The following SEMA3A variants were observed in gnomAD, a reference collection of about 807,000 sequenced individuals.
The protein encoded by SEMA3A is semaphorin-3A.
In SEMA3A, 29 loss-of-function variants were observed where a neutral mutation model predicts 97.9. The observed-to-expected ratio is 0.30, with a 90% confidence interval of 0.22 to 0.40. SEMA3A has a LOEUF of 0.40. Among genes scored for constraint, SEMA3A ranks in the 10% least tolerant of loss-of-function variants. The pLI is 1.00. For synonymous variants in SEMA3A, 321 were observed against 323.7 expected (o/e 0.99, Z 0.09); for missense variants, 763 against 951.3 (o/e 0.80, Z 2.60).
intron 3 of SEMA3A, among the ~76,000 whole-genome samples, chr7:84,126,245 A>G (rs1468346): frequency 0.8 from 122,090 of 151,944 alleles, 49,109 homozygotes; most frequent in East Asian, 0.93. Context: ...TCACTCTGTC[A>G]CCCAGGCTGG....
chr7:84,188,942 G>T (rs1055661592), intron 1 of SEMA3A, among the ~76,000 whole-genome samples: 5 of 151,698 alleles, frequency 3.3e-5, no homozygotes, highest in African/African-American at 1.2e-4. Flanking sequence ...TCCAAACTTG[G>T]TCTGCACACC....
chr7:84,120,913 T>C (rs1357524290), intron 3 of SEMA3A, among the ~76,000 whole-genome samples: 1 of 152,166 alleles, frequency 6.6e-6, no homozygotes, highest in African/African-American at 2.4e-5. Context: ...GAATTTCTTG[T>C]GCTATTTCCA....
chr7:84,347,382 T>C (rs1363910708), intron 2 of SEMA3A, among the ~76,000 whole-genome samples: 1 of 150,676 alleles, frequency 6.6e-6, no homozygotes, highest in Non-Finnish European at 1.5e-5. Context: ...AAGAACAGCT[T>C]ACATGCAACA....
In SEMA3A at chr7:83,979,133, CT is replaced by C. The variant is rs761341563; in HGVS notation, c.1653-1938del. Among the ~76,000 whole-genome samples, 1,136 of 134,352 alleles carry C rather than the reference CT, an allele frequency of 8.5e-3. 3 individuals are homozygous for C. The highest frequency in any genetic ancestry group is 0.018 in the South Asian group (74 of 4,106). The allele number at this position is 134,352 out of a possible 152,430, so 88.1% of individuals were successfully genotyped here. A position where few individuals can be genotyped will look rare whatever the true frequency, so the allele number is the denominator to read the frequency against. ...CATTTTAGTTCAAACACGAATTCCA[CT>C]TTTTTTTTTTTTTTTTCGAGACAGA... On this transcript the variant is annotated intron_variant, in intron 14 of 16. Coordinates refer to ENST00000265362, the MANE Select transcript of SEMA3A (RefSeq NM_006080.3).
At chr7:84,414,151 T>C (rs956780489) in intron 1 of SEMA3A, among the ~76,000 whole-genome samples, 2 of 152,172 alleles carry the variant, frequency 1.3e-5, no homozygotes, top group Non-Finnish European at 2.9e-5. Flanking sequence ...ATTTGTTTTC[T>C]TGTTTTATAT....
At chr7:84,447,807 G>A (rs1055820554) in intron 1 of SEMA3A, among the ~76,000 whole-genome samples, 3 of 152,350 alleles carry the variant, frequency 2.0e-5, no homozygotes, top group Admixed American at 6.5e-5. Context: ...GCTATGAGGA[G>A]AGAAGTGCTG....
intron 1 of SEMA3A, among the ~76,000 whole-genome samples, chr7:84,454,339 G>A (rs537399029): frequency 2.0e-5 from 3 of 152,186 alleles, no homozygotes; most frequent in East Asian, 3.9e-4. Context: ...ACACAGATAA[G>A]TCATTTCTTG....
intron 10 of SEMA3A, 148 bp downstream of exon 10, chr7:84,007,205 G>A (rs1790701520): frequency 1.8e-6 from 1 of 551,410 alleles, no homozygotes; most frequent in Non-Finnish European, 2.8e-6. Context: ...ATTCAATCAT[G>A]GAAAATCTTT....
At chr7:83,970,153 G>A (rs1788859545) in intron 15 of SEMA3A, among the ~76,000 whole-genome samples, 1 of 152,152 alleles carries the variant, frequency 6.6e-6, no homozygotes, top group South Asian at 2.1e-4. Flanking sequence ...AGTGTGTTTG[G>A]ATAACACAAT....
intron 4 of SEMA3A, among the ~76,000 whole-genome samples, chr7:84,066,786 C>T (rs574079519): frequency 6.6e-6 from 1 of 151,664 alleles, no homozygotes; most frequent in East Asian, 1.9e-4. Flanking sequence ...ACAAACAAAT[C>T]GAAGAACATT....
At chr7:84,344,699 A>G (rs903947705) in intron 2 of SEMA3A, among the ~76,000 whole-genome samples, 1 of 152,180 alleles carries the variant, frequency 6.6e-6, no homozygotes, top group East Asian at 1.9e-4. Context: ...GTGAGAGTAG[A>G]CTACAAAACG....
Position 84,316,130 on chromosome 7 carries a change from CAAAAAAAAAAAA to C in SEMA3A, c.-168-8850_-168-8839del, listed in dbSNP as rs202005657. 1.7e-4 allele frequency among the ~76,000 whole-genome samples: 5 copies of C among 30,226 alleles called. No homozygotes were observed. In the South Asian group the frequency reaches 6.0e-3, roughly 36 times the overall value. 19.8% of individuals were successfully genotyped at this position (30,226 alleles called of 152,430 possible). On this transcript the variant is annotated intron_variant, in intron 2 of 3. Transcript: ENST00000424555. ...TGCACAATATAGGAAGACTCTATCTCAAAAAAAAAAAAAAAAAAAAAAAAAAAAAAGTGCTCC... is the reference window on the plus strand; with the variant it reads ...TGCACAATATAGGAAGACTCTATCTCAAAAAAAAAAAAAAAAAAGTGCTCC...
chr7:84,303,986 G>C (rs975651640), intron 3 of SEMA3A, among the ~76,000 whole-genome samples: 1 of 151,958 alleles, frequency 6.6e-6, no homozygotes, highest in East Asian at 1.9e-4. Flanking sequence ...GCTCTTAATG[G>C]CTTTGTTTTA....
chr7:84,119,746 A>G (rs908924817), intron 3 of SEMA3A, among the ~76,000 whole-genome samples: 5 of 152,202 alleles, frequency 3.3e-5, no homozygotes, highest in Non-Finnish European at 7.4e-5. Flanking sequence ...AAACACAAGT[A>G]TTACAAACTA....
rs564468169 is a variant in SEMA3A at position 84,358,687 on chromosome 7, G to C, written c.-169+13137C>G. Among the ~76,000 whole-genome samples, 4 of 152,170 alleles carry C rather than the reference G, an allele frequency of 2.6e-5. No individual in the cohort carries two copies. In the South Asian group the frequency reaches 8.3e-4, roughly 32 times the overall value. On this transcript the variant is annotated intron_variant, in intron 2 of 3. Transcript: ENST00000424555. ...AATTCTCTGAAGGAAGTCATTTGTAGCTTGATGGGGATGGCATTGAATCTA... is the reference window on the plus strand; with the variant it reads ...AATTCTCTGAAGGAAGTCATTTGTACCTTGATGGGGATGGCATTGAATCTA...
intron 1 of SEMA3A, among the ~76,000 whole-genome samples, chr7:84,170,565 GGAGA>G (rs1177461664): frequency 5.9e-5 from 9 of 151,890 alleles, no homozygotes; most frequent in Admixed American, 3.3e-4. Flanking sequence ...AACTTTATAT[GGAGA>G]GAGTTTTCAA....
chr7:84,050,770 A>G (rs1423305782), intron 5 of SEMA3A, among the ~76,000 whole-genome samples: 1 of 152,164 alleles, frequency 6.6e-6, no homozygotes, highest in Non-Finnish European at 1.5e-5. Context: ...TGTTTTAGAC[A>G]TGAAGTCCTT....
chr7:84,334,179 A>G (rs964929151), intron 2 of SEMA3A, among the ~76,000 whole-genome samples: 1 of 152,142 alleles, frequency 6.6e-6, no homozygotes, highest in African/African-American at 2.4e-5. Flanking sequence ...TCTTTTTAAG[A>G]GTAAATATTT....
chr7:84,322,656 T>C (rs773294424), intron 2 of SEMA3A, among the ~76,000 whole-genome samples: 17 of 152,216 alleles, frequency 1.1e-4, no homozygotes, highest in Non-Finnish European at 1.8e-4. Flanking sequence ...CCCAGCCATG[T>C]GGAACTGCAA....
Sources: allele counts gnomAD v4.1 joint callset (sites outside exome capture counted in the v4.1 genomes callset), GRCh38; gene constraint gnomAD v4.1.1; transcripts MANE v1.5; gene names NCBI Gene and HGNC (gene_info 2026-07-23, HGNC 2026-07-21).